Variants in KIAA0825 observed in about 807,000 individuals in gnomAD.
KIAA0825 encodes the protein KIAA0825.
A neutral mutation model predicts 147.6 loss-of-function variants in KIAA0825; 119 were observed. That is an observed-to-expected ratio of 0.81 (90% CI 0.69 to 0.94). The LOEUF is 0.94. Among genes scored for constraint, KIAA0825 ranks in the 40% least tolerant of loss-of-function variants. The probability of loss-of-function intolerance (pLI) is 0.00; values close to 1 mark genes in which losing one functional copy is unlikely to be tolerated. For synonymous variants in KIAA0825, 470 were observed against 518.1 expected (o/e 0.91, Z 1.26); for missense variants, 1,381 against 1,472.7 (o/e 0.94, Z 1.02).
intron 20 of KIAA0825, among the ~76,000 whole-genome samples, chr5:94,311,680 A>G (rs1457975791): frequency 6.6e-6 from 1 of 151,604 alleles, no homozygotes; most frequent in African/African-American, 2.4e-5. Context: ...TTTGTCTCTA[A>G]TCTCAACACA....
chr5:94,171,135 CAT>C (rs1251391846), intron 20 of KIAA0825, among the ~76,000 whole-genome samples: 3 of 152,162 alleles, frequency 2.0e-5, no homozygotes, highest in Non-Finnish European at 4.4e-5. Context: ...ACAATTCCCA[CAT>C]GTCATGGGAG....
chr5:94,529,295 TC>T (rs918909424), intron 3 of KIAA0825, among the ~76,000 whole-genome samples: 13 of 139,404 alleles, frequency 9.3e-5, no homozygotes, highest in Admixed American at 3.6e-4. Context: ...TATGTATATA[TC>T]ATATATATGT....
chr5:94,608,274 T>A (rs1787874437), intron 1 of KIAA0825, among the ~76,000 whole-genome samples: 1 of 140,704 alleles, frequency 7.1e-6, no homozygotes, highest in Non-Finnish European at 1.5e-5. Context: ...TGTTTATTTA[T>A]TTATTGAGAT....
At chr5:94,206,239 A>G (rs968172050) in intron 20 of KIAA0825, among the ~76,000 whole-genome samples, 1 of 151,676 alleles carries the variant, frequency 6.6e-6, no homozygotes, top group African/African-American at 2.4e-5. Flanking sequence ...TTTCTCCTTC[A>G]TTTCTTTATG....
At chr5:94,376,876 T>A (rs937214873) in intron 20 of KIAA0825, among the ~76,000 whole-genome samples, 1 of 152,050 alleles carries the variant, frequency 6.6e-6, no homozygotes, top group Admixed American at 6.5e-5. Flanking sequence ...TAAACCCACT[T>A]CTCCATAACC....
intron 20 of KIAA0825, among the ~76,000 whole-genome samples, chr5:94,349,979 T>C (rs1783460198): frequency 6.6e-6 from 1 of 151,726 alleles, no homozygotes; most frequent in African/African-American, 2.4e-5. Context: ...CAAAAGATAA[T>C]GAAACAAAAA....
At chr5:94,442,385 C>T (rs1399331829) in intron 13 of KIAA0825, among the ~76,000 whole-genome samples, 2 of 152,142 alleles carry the variant, frequency 1.3e-5, no homozygotes, top group African/African-American at 4.8e-5. Flanking sequence ...GCTAGGAAAC[C>T]TCCTGCCTTG....
intron 2 of KIAA0825, among the ~76,000 whole-genome samples, chr5:94,564,846 T>C (rs139701694): frequency 2.3e-4 from 35 of 152,238 alleles, no homozygotes; most frequent in Non-Finnish European, 4.3e-4. Flanking sequence ...TCAAACCCCA[T>C]CATCTGGATT....
At chr5:94,411,744 C>T (rs753909577) in intron 15 of KIAA0825, among the ~76,000 whole-genome samples, 3 of 151,992 alleles carry the variant, frequency 2.0e-5, no homozygotes, top group South Asian at 4.2e-4. Flanking sequence ...TTCAGGAGTT[C>T]GAGACCAGCC....
At chr5:94,353,817 C>T (rs75601644) in intron 20 of KIAA0825, among the ~76,000 whole-genome samples, 4,247 of 152,016 alleles carry the variant, frequency 0.028, 167 homozygotes, top group African/African-American at 0.096. Flanking sequence ...GATGAGGATA[C>T]GATAATCAAA....
At chr5:94,254,034 C>A (rs1027727993) in intron 20 of KIAA0825, among the ~76,000 whole-genome samples, 1 of 152,098 alleles carries the variant, frequency 6.6e-6, no homozygotes, top group Admixed American at 6.6e-5. Flanking sequence ...TCAGGAGGGC[C>A]TTGGGTTTAT....
chr5:94,343,642 T>C (rs1341665746), intron 20 of KIAA0825, among the ~76,000 whole-genome samples: 3 of 152,154 alleles, frequency 2.0e-5, no homozygotes, highest in Admixed American at 6.5e-5. Context: ...TGAGCCGAGA[T>C]GGTGCCACTG....
At chr5:94,245,373 T>C (rs1293622878) in intron 20 of KIAA0825, among the ~76,000 whole-genome samples, 1 of 152,156 alleles carries the variant, frequency 6.6e-6, no homozygotes, top group Non-Finnish European at 1.5e-5. Flanking sequence ...CAGACTTTGG[T>C]TGAGAAATGA....
At chr5:94,343,457 G>A (rs574415967) in intron 20 of KIAA0825, among the ~76,000 whole-genome samples, 74 of 152,320 alleles carry the variant, frequency 4.9e-4, no homozygotes, top group African/African-American at 1.6e-3. Context: ...TTGGGAGGCA[G>A]AGGTGGGTGG....
At chr5:94,410,051 G>T (rs1752550306) in intron 15 of KIAA0825, among the ~76,000 whole-genome samples, 1 of 151,748 alleles carries the variant, frequency 6.6e-6, no homozygotes, top group South Asian at 2.1e-4. Context: ...GAGCAAACAA[G>T]GTTTTAAAAC....
chr5:94,544,828 G>C (rs571445612), intron 2 of KIAA0825, among the ~76,000 whole-genome samples: 1 of 152,242 alleles, frequency 6.6e-6, no homozygotes, highest in East Asian at 1.9e-4. Flanking sequence ...GTCACCAAGG[G>C]TTCTCCGTGC....
chr5:94,513,528 G>A (rs1766794677), intron 5 of KIAA0825, among the ~76,000 whole-genome samples: 1 of 152,116 alleles, frequency 6.6e-6, no homozygotes, highest in African/African-American at 2.4e-5. Flanking sequence ...AGAAAAATGT[G>A]CTAAAATTAA....
intron 2 of KIAA0825, among the ~76,000 whole-genome samples, chr5:94,561,573 C>T (rs1013845699): frequency 5.3e-5 from 8 of 152,068 alleles, no homozygotes; most frequent in African/African-American, 1.7e-4. Context: ...TGTAGGACAC[C>T]CAGTTGATGT....
At chr5:94,550,467 T>C (rs1429936320) in intron 2 of KIAA0825, among the ~76,000 whole-genome samples, 1 of 152,160 alleles carries the variant, frequency 6.6e-6, no homozygotes, top group Admixed American at 6.5e-5. Context: ...CTCCATTAAA[T>C]TGGAAGAGGC....
Sources: gnomAD v4.1 joint callset for allele counts (sites outside exome capture counted in the v4.1 genomes callset) on GRCh38, gnomAD v4.1.1 for gene constraint, MANE v1.5 for transcripts, NCBI Gene and HGNC (gene_info 2026-07-23, HGNC 2026-07-21) for gene names.